The following AMOT variants were observed in gnomAD, a reference collection of about 807,000 sequenced individuals.
The protein encoded by AMOT is angiomotin.
Under a neutral mutation model 67.0 loss-of-function variants are expected in AMOT, and 11 were observed. The ratio of observed to expected loss-of-function variants is 0.16; its 90% CI spans 0.10 to 0.27. The LOEUF is 0.27. AMOT is among the 10% of genes least tolerant of loss of function. The pLI, the probability that AMOT is intolerant of heterozygous loss-of-function variation, is 1.00. For synonymous variants in AMOT, 326 were observed against 321.4 expected (o/e 1.01, Z -0.15); for missense variants, 753 against 852.0 (o/e 0.88, Z 1.45).
Position 112,822,814 on chromosome X carries a change from C to T in AMOT, c.313G>A (p.Glu105Lys). The change falls in exon 4 of 14, where the codon GAA becomes AAA. Residue 105 changes from glutamate (E) to lysine (K), a missense_variant. Coordinates refer to ENST00000371959, the MANE Select transcript of AMOT (RefSeq NM_001113490.2). ...TTGGCTTCTTCATAGGTCGGGAGTTCTTCATTATTTTGCATTCGAGGAGAC... is the reference window on the plus strand; with the variant it reads ...TTGGCTTCTTCATAGGTCGGGAGTTTTTCATTATTTTGCATTCGAGGAGAC... ...QLSPRMQNNE[E>K]LPTYEEAKVQ... 1 of 1,167,445 alleles carries T rather than the reference C, an allele frequency of 8.6e-7. No homozygotes were observed. Among genetic ancestry groups the T allele is most frequent in the African/African-American group, 1.8e-5 (1 of 56,116 alleles).
At position 112,779,371 on chromosome X, in the gene AMOT, G is replaced by A. The variant is rs780225816; in HGVS notation, c.2783C>T (p.Ser928Phe). ...AGCAGTAGCAGCGGCAGTGGCTGGA[G>A]ACGGGGCAGCAGCAGCAGCTGGAGC... The part of the protein sequence containing the change: ...AAAPAAAAAP[S>F]PATAAATAAA... Residue 928 changes from serine to phenylalanine, a missense_variant, in exon 13 of 14, where the codon TCT (serine) becomes TTT (phenylalanine). Ser to Phe is a radical substitution (Grantham distance 155, BLOSUM62 -2). This residue lies in a region of AMOT where 269 missense variants were observed against 300.9 expected (regional missense o/e 0.89). Transcript: ENST00000371959. The A allele has an allele frequency of 1.3e-5, 13 of 998,299 alleles. No individual in the cohort carries two copies. The African/African-American group carries it at 2.5e-4, about 19-fold the overall frequency. 82.3% of individuals were successfully genotyped at this position (998,299 alleles called of 1,213,427 possible). A position where few individuals can be genotyped will look rare whatever the true frequency, so the allele number is the denominator to read the frequency against.
In AMOT at chrX:112,833,869, G is replaced by C. The variant is rs764206178; in HGVS notation, c.-288-1499C>G. ...TTCCCCATCTGTGATTTTTATCTTA[G>C]TTTGCTATCACATGGAACAAATGTC... is the stretch of plus-strand genomic sequence containing the variant. On this transcript the variant is annotated intron_variant, in intron 1 of 13. Coordinates refer to ENST00000371959, the MANE Select transcript of AMOT (RefSeq NM_001113490.2). Among the ~76,000 whole-genome samples the C allele has an allele frequency of 2.7e-5, 3 of 112,309 alleles. No individual in the cohort carries two copies. The East Asian group carries it at 8.3e-4, about 31-fold the overall frequency.
At position 112,822,508 on chromosome X, in the gene AMOT, G is replaced by C; in HGVS notation, c.619C>G (p.Leu207Val). ...CTGGAACTTGTGGGATTCTTGTAGA[G>C]GTCATTGGGTTGTGGTGGGGAGAGG... is the stretch of plus-strand genomic sequence containing the variant. ...APLSPPQPND[L>V]YKNPTSSSEF... The change falls in exon 4 of 14, where the codon CTC becomes GTC. Residue 207 changes from leucine to valine, a missense_variant. Leu to Val is a conservative substitution (Grantham distance 32). Transcript: ENST00000371959. 8.6e-7 allele frequency: 1 copy of C among 1,168,104 alleles called. No individual in the cohort carries two copies.
At chrX:112,832,116 G>A (rs185773750) in intron 2 of AMOT, among the ~76,000 whole-genome samples, 178 bp downstream of exon 2, 1 of 111,409 alleles carries the variant, frequency 9.0e-6, no homozygotes, top group East Asian at 2.8e-4. Context: ...CATGGGCGGG[G>A]TGCGTGATTT....
chrX:112,818,872 G>A (rs1166931497), intron 4 of AMOT, among the ~76,000 whole-genome samples: 2 of 111,057 alleles, frequency 1.8e-5, no homozygotes, highest in East Asian at 5.6e-4. Flanking sequence ...ACAACAAGCC[G>A]CCTGCAGACA....
At chrX:112,816,872 T>C (rs1934580018) in intron 4 of AMOT, among the ~76,000 whole-genome samples, 1 of 112,237 alleles carries the variant, frequency 8.9e-6, no homozygotes, top group Non-Finnish European at 1.9e-5. Flanking sequence ...TTGTACCTAA[T>C]TACCAGGTAC....
intron 10 of AMOT, 99 bp from the exon 11 acceptor site, chrX:112,782,761 G>A: frequency 9.7e-7 from 1 of 1,034,471 alleles, no homozygotes; most frequent in Non-Finnish European, 1.3e-6. Context: ...AAAGTCCTAA[G>A]CTGAAATCAA....
chrX:112,832,819 C>A lies in AMOT; in HGVS notation c.-288-449G>T, dbSNP rs1174029873. Among the ~76,000 whole-genome samples, 3 of 111,683 alleles carry A rather than the reference C, an allele frequency of 2.7e-5. No individual in the cohort carries two copies. In the East Asian group the frequency reaches 8.4e-4, roughly 31 times the overall value. On this transcript the variant is annotated intron_variant, in intron 1 of 13. Coordinates refer to ENST00000371959, the MANE Select transcript of AMOT (RefSeq NM_001113490.2). ...TCTGCCTTCAGTCTGGTTTTTGTGTCTGAGTGGGGCTCAGGTGCTGACTGC... is the reference window on the plus strand; with the variant it reads ...TCTGCCTTCAGTCTGGTTTTTGTGTATGAGTGGGGCTCAGGTGCTGACTGC...
At chrX:112,778,788 C>T (rs1341774969) in intron 13 of AMOT, 124 bp from the exon 14 acceptor site, 4 of 712,753 alleles carry the variant, frequency 5.6e-6, no homozygotes, top group Non-Finnish European at 8.3e-6. Flanking sequence ...CCACCTCCCT[C>T]ATTTACTTCT....
intron 12 of AMOT, chrX:112,780,534 G>A (rs1933115752): frequency 3.9e-6 from 1 of 253,680 alleles, no homozygotes; most frequent in Admixed American, 6.0e-5. Context: ...CATTTGGAAC[G>A]ACACAAAGGC....
chrX:112,809,941 T>A lies in AMOT; in HGVS notation c.1583A>T (p.Glu528Val), dbSNP rs760826950. ...ANKQLAEKEY[E>V]GSEDTRKTIS... is the part of the protein sequence containing the mutation. ...GGTTTTTCTGGTGTCCTCTGACCCC[T>A]CATATTCCTTCTCTGCAAGCTGCTT... The change falls in exon 7 of 14, where the codon GAG (glutamate) becomes GTG (valine). Residue 528 changes from glutamate to valine, a missense_variant. By Grantham distance (121) the Glu-to-Val change is moderately radical (BLOSUM62 -2). This residue lies in a region of AMOT where 297 missense variants were observed against 284.3 expected (regional missense o/e 1.04). Coordinates refer to ENST00000371959, the MANE Select transcript of AMOT (RefSeq NM_001113490.2). 3.3e-6 allele frequency: 4 copies of A among 1,211,493 alleles called. No homozygotes were observed. The highest frequency in any genetic ancestry group is 1.7e-5 in the African/African-American group (1 of 57,885).
intron 4 of AMOT, among the ~76,000 whole-genome samples, chrX:112,821,003 A>C (rs1489492394): frequency 3.6e-5 from 4 of 109,749 alleles, no homozygotes; most frequent in Non-Finnish European, 7.6e-5. Flanking sequence ...GTGGAGTCCA[A>C]AGTGAATTGC....
intron 8 of AMOT, 45 bp downstream of exon 8, chrX:112,804,902 A>ACCCCCCC: frequency 2.7e-6 from 1 of 363,803 alleles, no homozygotes; most frequent in Non-Finnish European, 5.4e-6. Flanking sequence ...CCGATTTCCC[A>ACCCCCCC]GCCCTCCCAC....
intron 7 of AMOT, among the ~76,000 whole-genome samples, chrX:112,806,765 G>A (rs1024035560): frequency 1.3e-4 from 14 of 111,975 alleles, no homozygotes; most frequent in African/African-American, 4.5e-4. Flanking sequence ...CCCTCTTCTA[G>A]TGGCTGGCTG....
At chrX:112,795,286 C>T (rs1237947626) in intron 8 of AMOT, among the ~76,000 whole-genome samples, 1 of 106,110 alleles carries the variant, frequency 9.4e-6, no homozygotes, top group African/African-American at 3.5e-5. Flanking sequence ...ATGTGTATGT[C>T]ACATACACAC....
intron 1 of AMOT, among the ~76,000 whole-genome samples, chrX:112,833,554 ACTCT>A (rs1000611089): frequency 9.3e-6 from 1 of 108,078 alleles, no homozygotes; most frequent in African/African-American, 3.4e-5. Flanking sequence ...TGCCTCCCCT[ACTCT>A]CTCTCTCAGG....
intron 5 of AMOT, among the ~76,000 whole-genome samples, chrX:112,814,325 CCT>C (rs1254861598): frequency 6.3e-5 from 7 of 111,059 alleles, no homozygotes; most frequent in Non-Finnish European, 1.9e-5. Context: ...ATAATAAGCC[CCT>C]GTCTCCTTGA....
At chrX:112,782,439 C>A in intron 11 of AMOT, 101 bp downstream of exon 11, 1 of 1,092,532 alleles carries the variant, frequency 9.2e-7, no homozygotes, top group South Asian at 1.9e-5. Flanking sequence ...GATGGTGGAG[C>A]GGGGAGGCTG....
chrX:112,833,414 A>T (rs1458394086), intron 1 of AMOT, among the ~76,000 whole-genome samples: 2 of 98,445 alleles, frequency 2.0e-5, no homozygotes, highest in Non-Finnish European at 4.0e-5. Context: ...AAAATTCATC[A>T]TGTTCCCCTA....
Sources: allele counts gnomAD v4.1 joint callset (sites outside exome capture counted in the v4.1 genomes callset), GRCh38; gene constraint gnomAD v4.1.1; regional missense constraint gnomAD v4.1.1; transcripts MANE v1.5; gene names NCBI Gene and HGNC (gene_info 2026-07-23, HGNC 2026-07-21).